Variants in LEKR1 observed in about 807,000 individuals in gnomAD.
The protein encoded by LEKR1 is leucine, glutamate and lysine rich 1, also known as protein LEKR1.
LEKR1 carries 59 observed loss-of-function variants against 72.4 expected under a neutral mutation model. That is an observed-to-expected ratio of 0.82 (90% CI 0.66 to 1.01). LEKR1 has a LOEUF of 1.01. LEKR1 is among the 50% of genes least tolerant of loss of function. The pLI is 0.00. For synonymous variants in LEKR1, 257 were observed against 263.2 expected (o/e 0.98, Z 0.23); for missense variants, 728 against 759.2 (o/e 0.96, Z 0.48).
At chr3:156,992,421 T>C (rs1576962240) in intron 7 of LEKR1, among the ~76,000 whole-genome samples, 1 of 152,162 alleles carries the variant, frequency 6.6e-6, no homozygotes, top group Non-Finnish European at 1.5e-5. Context: ...GTTTTGTTTA[T>C]TTGTTTTTGT....
At chr3:156,916,152 G>A (rs983767918) in intron 3 of LEKR1, among the ~76,000 whole-genome samples, 1 of 151,996 alleles carries the variant, frequency 6.6e-6, no homozygotes. Flanking sequence ...ATGCTGTTTT[G>A]CTTACTGTAG....
intron 7 of LEKR1, among the ~76,000 whole-genome samples, chr3:156,981,373 G>A (rs1470618431): frequency 6.6e-6 from 1 of 152,078 alleles, no homozygotes; most frequent in Non-Finnish European, 1.5e-5. Context: ...GGAGATGCAG[G>A]GAGAAATACA....
intron 3 of LEKR1, among the ~76,000 whole-genome samples, chr3:156,876,819 C>T (rs1718653302): frequency 6.6e-6 from 1 of 152,132 alleles, no homozygotes; most frequent in Non-Finnish European, 1.5e-5. Context: ...TTATTTATTT[C>T]CCTTGTCTGA....
At chr3:156,860,571 A>G (rs1381813350) in intron 3 of LEKR1, among the ~76,000 whole-genome samples, 2 of 152,138 alleles carry the variant, frequency 1.3e-5, no homozygotes, top group Non-Finnish European at 2.9e-5. Flanking sequence ...TAATGCAGAG[A>G]GTGTGTCTGA....
At chr3:157,027,359 T>C (rs866493385) in intron 11 of LEKR1, among the ~76,000 whole-genome samples, 18 of 151,958 alleles carry the variant, frequency 1.2e-4, no homozygotes, top group Middle Eastern at 6.8e-3. Flanking sequence ...AGCCATTATA[T>C]ACAAAAAAGA....
At chr3:156,878,404 A>T (rs770683287) in intron 3 of LEKR1, among the ~76,000 whole-genome samples, 4 of 152,192 alleles carry the variant, frequency 2.6e-5, no homozygotes, top group Non-Finnish European at 5.9e-5. Context: ...TCAAAAGTAG[A>T]TCACTTAATT....
At chr3:156,950,868 G>T (rs1403777775) in intron 6 of LEKR1, among the ~76,000 whole-genome samples, 1 of 151,362 alleles carries the variant, frequency 6.6e-6, no homozygotes, top group African/African-American at 2.4e-5. Context: ...TCTTTCTCTT[G>T]CCTGATTGCT....
intron 6 of LEKR1, among the ~76,000 whole-genome samples, chr3:156,957,576 C>G (rs1425202232): frequency 6.6e-6 from 1 of 151,534 alleles, no homozygotes; most frequent in Non-Finnish European, 1.5e-5. Context: ...TGTAATTAGC[C>G]ACAGTTTTTA....
At chr3:156,908,865 C>A (rs1722808522) in intron 3 of LEKR1, among the ~76,000 whole-genome samples, 1 of 152,170 alleles carries the variant, frequency 6.6e-6, no homozygotes, top group South Asian at 2.1e-4. Context: ...TAAGGCCATG[C>A]ATTTACATCT....
chr3:156,884,062 T>C (rs893650918), intron 3 of LEKR1, among the ~76,000 whole-genome samples: 1 of 152,228 alleles, frequency 6.6e-6, no homozygotes, highest in Non-Finnish European at 1.5e-5. Context: ...TGCTTTAACA[T>C]CAGTTTTGTC....
At chr3:156,995,560 G>A (rs889936288) in intron 9 of LEKR1, among the ~76,000 whole-genome samples, 5 of 152,096 alleles carry the variant, frequency 3.3e-5, no homozygotes, top group African/African-American at 9.7e-5. Context: ...TGACAGACAC[G>A]GTGGCTCACA....
chr3:157,009,159 A>G (rs1410972929), intron 9 of LEKR1, among the ~76,000 whole-genome samples: 1 of 152,168 alleles, frequency 6.6e-6, no homozygotes, highest in African/African-American at 2.4e-5. Flanking sequence ...ACTTCTACGT[A>G]TGTAATTTTA....
intron 11 of LEKR1, among the ~76,000 whole-genome samples, chr3:157,026,273 A>C (rs895430631): frequency 2.0e-5 from 3 of 152,020 alleles, no homozygotes; most frequent in African/African-American, 4.8e-5. Context: ...CTGCTGTTGC[A>C]GCCCTGGGTG....
intron 3 of LEKR1, among the ~76,000 whole-genome samples, chr3:156,875,172 A>G (rs1718410065): frequency 6.6e-6 from 1 of 152,170 alleles, no homozygotes; most frequent in East Asian, 1.9e-4. Flanking sequence ...GATCCTTTTC[A>G]CTACATCCAC....
intron 2 of LEKR1, among the ~76,000 whole-genome samples, chr3:156,847,278 A>G (rs189422029): frequency 2.6e-5 from 4 of 152,384 alleles, no homozygotes; most frequent in African/African-American, 7.2e-5. Flanking sequence ...TTTTAAAAGT[A>G]TGAACACTGC....
At chr3:156,923,024 T>G (rs1422327164) in intron 4 of LEKR1, among the ~76,000 whole-genome samples, 1 of 152,224 alleles carries the variant, frequency 6.6e-6, no homozygotes, top group Non-Finnish European at 1.5e-5. Flanking sequence ...CAGTTTCACT[T>G]CGCTTCTTCA....
Position 156,932,805 on chromosome 3 carries a change from C to T in LEKR1, c.559+5201C>T, listed in dbSNP as rs970032723. 1.9e-3 allele frequency among the ~76,000 whole-genome samples: 289 copies of T among 151,306 alleles called. 2 individuals are homozygous for T. The highest frequency in any genetic ancestry group is 6.5e-3 in the African/African-American group (269 of 41,128). On this transcript the variant is annotated intron_variant, in intron 5 of 12. Coordinates refer to ENST00000356539, the MANE Select transcript of LEKR1 (RefSeq NM_001004316.3). ...CGGCAATTTGGGAGGCCGCGGCAGGCGGATCCCGAGGTCAGGAGATCGAGA... is the reference window on the plus strand; with the variant it reads ...CGGCAATTTGGGAGGCCGCGGCAGGTGGATCCCGAGGTCAGGAGATCGAGA...
At chr3:157,041,518 A>G (rs9851046) in intron 12 of LEKR1, among the ~76,000 whole-genome samples, 39,828 of 151,814 alleles carry the variant, frequency 0.26, 6,490 homozygotes, top group South Asian at 0.4. Flanking sequence ...ACTCTTCCCT[A>G]TATCAGTCCT....
chr3:157,021,328 G>T (rs1733820582), intron 10 of LEKR1, among the ~76,000 whole-genome samples: 1 of 151,590 alleles, frequency 6.6e-6, no homozygotes, highest in African/African-American at 2.4e-5. Context: ...CATTGCTTTT[G>T]GTGTTTTAGA....
Sources: gnomAD v4.1 joint callset for allele counts (sites outside exome capture counted in the v4.1 genomes callset) on GRCh38, gnomAD v4.1.1 for gene constraint, MANE v1.5 for transcripts, NCBI Gene and HGNC (gene_info 2026-07-23, HGNC 2026-07-21) for gene names.